PTPRT: variants seen among roughly 807,000 people sequenced by gnomAD.
PTPRT encodes receptor-type tyrosine-protein phosphatase T.
A neutral mutation model predicts 176.8 loss-of-function variants in PTPRT; 56 were observed. That is an observed-to-expected ratio of 0.32 (90% confidence interval 0.26 to 0.40). The LOEUF is 0.40. PTPRT is among the 10% of genes least tolerant of loss of function. The pLI, the probability that PTPRT is intolerant of heterozygous loss-of-function variation, is 1.00. For missense variants in PTPRT, 1,540 were observed against 1,908.2 expected, an observed-to-expected ratio of 0.81 and a Z score of 3.60; for synonymous variants, 783 against 739.0, an observed-to-expected ratio of 1.06 and a Z score of -0.96.
At chr20:43,056,401 C>G (rs1311158063) in intron 1 of PTPRT, among the ~76,000 whole-genome samples, 1 of 152,176 alleles carries the variant, frequency 6.6e-6, no homozygotes, top group East Asian at 1.9e-4. Flanking sequence ...GGGCGTGACC[C>G]ATGCAAACCT....
chr20:42,562,162 C>G (rs2072963013), intron 7 of PTPRT, among the ~76,000 whole-genome samples: 4 of 152,172 alleles, frequency 2.6e-5, no homozygotes, highest in Non-Finnish European at 5.9e-5. Flanking sequence ...CTTAAGTGTA[C>G]AGCCTAATGA....
Position 42,448,276 on chromosome 20 carries a change from T to A in PTPRT, c.1504A>T (p.Ile502Phe). 6.2e-7 allele frequency: 1 copy of A among 1,613,646 alleles called. No homozygotes were observed. The highest frequency in any genetic ancestry group is 8.5e-7 in the Non-Finnish European group (1 of 1,179,636). The change falls in exon 9 of 31, where the codon ATC becomes TTC. Residue 502 changes from isoleucine (I) to phenylalanine (F), a missense_variant. This residue lies in a region of PTPRT where 136 missense variants were observed against 135.0 expected (regional missense o/e 1.01). Coordinates refer to ENST00000373187, the MANE Select transcript of PTPRT (RefSeq NM_007050.6). ...TTGGGAGGTTTCCACTGGATGTAGA[T>A]CTTCTCCTCAAAGGGCCCCCCTTGG... ...SIQGGPFEEKIYIQWKPPNET... is the reference protein window; with the variant it reads ...SIQGGPFEEKFYIQWKPPNET...
At chr20:43,162,033 T>G (rs2014714013) in intron 1 of PTPRT, among the ~76,000 whole-genome samples, 5 of 152,226 alleles carry the variant, frequency 3.3e-5, no homozygotes, top group Admixed American at 3.3e-4. Context: ...ATATGGTGAT[T>G]CCTGTTTTCG....
chr20:42,128,879 C>T (rs1987991068), intron 18 of PTPRT, 49 bp from the exon 19 acceptor site: 2 of 1,472,838 alleles, frequency 1.4e-6, no homozygotes, highest in Non-Finnish European at 1.9e-6. Flanking sequence ...AGGCCTTACG[C>T]AGCTAATGTC....
At chr20:42,782,607 T>A (rs1471320387) in intron 3 of PTPRT, among the ~76,000 whole-genome samples, 2 of 152,246 alleles carry the variant, frequency 1.3e-5, no homozygotes, top group African/African-American at 4.8e-5. Flanking sequence ...TTTTCCTTTT[T>A]ATTCTACCTT....
At chr20:42,966,389 CT>C (rs1294116532) in intron 1 of PTPRT, 11 of 152,078 alleles carry the variant, frequency 7.2e-5, no homozygotes, top group Admixed American at 2.0e-4. Flanking sequence ...GTAGAAATCC[CT>C]CTTTCCTCTG....
At position 42,333,623 on chromosome 20, in the gene PTPRT, C is replaced by T. The variant is rs1291194667; in HGVS notation, c.1865+17005G>A. The stretch of plus-strand genomic sequence containing the variant: ...CTGGGATTAGAGGCGTGAACCACTG[C>T]GCCCAGCCAGGCTTAGTATTGTTTT... On this transcript the variant is annotated intron_variant, in intron 11 of 30. Transcript: ENST00000373187. 4.6e-5 allele frequency among the ~76,000 whole-genome samples: 7 copies of T among 152,136 alleles called. No homozygotes were observed. In the South Asian group the frequency reaches 1.2e-3, roughly 27 times the overall value.
At chr20:42,500,139 G>A (rs2071726438) in intron 7 of PTPRT, among the ~76,000 whole-genome samples, 2 of 151,564 alleles carry the variant, frequency 1.3e-5, no homozygotes, top group Non-Finnish European at 2.9e-5. Context: ...TTTTTCACTT[G>A]TTTTGATATA....
chr20:42,163,894 T>C (rs1202238142), intron 16 of PTPRT, among the ~76,000 whole-genome samples: 1 of 152,222 alleles, frequency 6.6e-6, no homozygotes, highest in African/African-American at 2.4e-5. Flanking sequence ...CTTGTAGGTG[T>C]CCCAGCTGTC....
chr20:42,461,727 T>C (rs1271595445), intron 8 of PTPRT, among the ~76,000 whole-genome samples: 1 of 152,194 alleles, frequency 6.6e-6, no homozygotes, highest in African/African-American at 2.4e-5. Flanking sequence ...TTGAAGGTCA[T>C]AGGTGATCTT....
chr20:42,873,648 A>G (rs970859371), intron 2 of PTPRT, among the ~76,000 whole-genome samples: 1 of 152,218 alleles, frequency 6.6e-6, no homozygotes, highest in Non-Finnish European at 1.5e-5. Flanking sequence ...TAATCAACAT[A>G]AACATTATTA....
At chr20:42,726,229 A>G (rs1476503331) in intron 6 of PTPRT, among the ~76,000 whole-genome samples, 1 of 152,002 alleles carries the variant, frequency 6.6e-6, no homozygotes, top group Non-Finnish European at 1.5e-5. Flanking sequence ...TCAGGCACAC[A>G]TCAGCACACT....
chr20:42,281,808 CA>C (rs1469365175), intron 13 of PTPRT, among the ~76,000 whole-genome samples: 2 of 152,130 alleles, frequency 1.3e-5, no homozygotes, highest in African/African-American at 4.8e-5. Context: ...CAAAAAGATA[CA>C]TCTGATTTCT....
intron 15 of PTPRT, among the ~76,000 whole-genome samples, chr20:42,211,480 G>A (rs914731463): frequency 1.1e-3 from 164 of 150,996 alleles, no homozygotes; most frequent in African/African-American, 3.6e-3. Flanking sequence ...TCAAAAAGTG[G>A]GCGAAGGACA....
intron 6 of PTPRT, among the ~76,000 whole-genome samples, chr20:42,747,746 A>T (rs1312068819): frequency 6.6e-6 from 1 of 152,230 alleles, no homozygotes; most frequent in East Asian, 1.9e-4. Flanking sequence ...TGGCTAGAAA[A>T]GAGAATAAGA....
chr20:42,792,773 A>G (rs1445929409), intron 2 of PTPRT, among the ~76,000 whole-genome samples: 1 of 152,202 alleles, frequency 6.6e-6, no homozygotes. Flanking sequence ...AAAGACTAAC[A>G]GCTCCCAGTT....
chr20:43,060,553 G>A (rs1057198959), intron 1 of PTPRT, among the ~76,000 whole-genome samples: 6 of 152,214 alleles, frequency 3.9e-5, no homozygotes, highest in South Asian at 2.1e-4. Flanking sequence ...ATGTGACTAT[G>A]AGCAAGTTAA....
At chr20:43,165,304 G>A (rs905105422) in intron 1 of PTPRT, among the ~76,000 whole-genome samples, 5 of 151,876 alleles carry the variant, frequency 3.3e-5, no homozygotes, top group African/African-American at 9.7e-5. Flanking sequence ...GATTACAGGC[G>A]CCTGCCACAA....
At chr20:43,069,846 T>C (rs563107142) in intron 1 of PTPRT, among the ~76,000 whole-genome samples, 24 of 152,286 alleles carry the variant, frequency 1.6e-4, no homozygotes, top group East Asian at 1.9e-4. Context: ...TGAGAAGGCT[T>C]TGGACAGCCT....
Sources: gnomAD v4.1 joint callset for allele counts (sites outside exome capture counted in the v4.1 genomes callset) on GRCh38, gnomAD v4.1.1 for gene constraint, gnomAD v4.1.1 regional missense constraint, MANE v1.5 for transcripts, NCBI Gene and HGNC (gene_info 2026-07-23, HGNC 2026-07-21) for gene names.